The following ALPK1 variants were observed in gnomAD, a reference collection of about 807,000 sequenced individuals.
The protein encoded by ALPK1 is alpha kinase 1.
A neutral mutation model predicts 120.6 loss-of-function variants in ALPK1; 110 were observed. That is an observed-to-expected ratio of 0.91 (90% CI 0.78 to 1.07). The LOEUF is 1.07. ALPK1 is among the 50% of genes least tolerant of loss of function. The pLI is 0.00. For synonymous variants in ALPK1, 582 were observed against 560.3 expected, an observed-to-expected ratio of 1.04 and a Z score of -0.55; for missense variants, 1,498 against 1,483.9, an observed-to-expected ratio of 1.01 and a Z score of -0.16.
chr4:112,345,944 A>G (rs1362911342), intron 2 of ALPK1, among the ~76,000 whole-genome samples: 1 of 152,168 alleles, frequency 6.6e-6, no homozygotes, highest in Non-Finnish European at 1.5e-5. Flanking sequence ...GCTCACTGCA[A>G]CCTTTGTCTC....
rs1560653370 is a variant in ALPK1, at chr4:112,361,358, T to TG, written c.-100-16314dup. 2.0e-5 allele frequency among the ~76,000 whole-genome samples: 3 copies of TG among 152,248 alleles called. No homozygotes were observed. The South Asian group carries it at 6.2e-4, about 32-fold the overall frequency. The stretch of plus-strand genomic sequence containing the variant: ...TGCCTGGAAATAAACCTGGTGCTGT[T>TG]GGGGGGAGGGGCACAGTGGAAGTGA... On this transcript the variant is annotated intron_variant, in intron 2 of 15. Transcript: ENST00000650871.
chr4:112,334,666 C>T (rs1040743632), intron 2 of ALPK1, among the ~76,000 whole-genome samples: 1 of 151,978 alleles, frequency 6.6e-6, no homozygotes, highest in African/African-American at 2.4e-5. Flanking sequence ...GCATGTATAT[C>T]CCAGGGGATA....
At chr4:112,356,274 C>G (rs1730607692) in intron 2 of ALPK1, 1 of 1,183,904 alleles carries the variant, frequency 8.4e-7, no homozygotes. Flanking sequence ...ACAGGCAAGA[C>G]GCTGTGCCTC....
rs991461150 is a variant in ALPK1, at chr4:112,313,348, T to C, written c.-152-2453T>C. ...TAATACAGGAGGAAAACCAAGAGAG[T>C]ATGGTTTCCTGGAACACAGCAGAGG... On this transcript the variant is annotated intron_variant, in intron 1 of 15. Coordinates refer to ENST00000650871, the MANE Select transcript of ALPK1 (RefSeq NM_025144.4). 2.6e-5 allele frequency among the ~76,000 whole-genome samples: 4 copies of C among 151,542 alleles called. No individual in the cohort carries two copies. In the South Asian group the frequency reaches 6.2e-4, roughly 24 times the overall value.
At chr4:112,426,216 GAT>G (rs1734225224) in intron 7 of ALPK1, 1 of 258,036 alleles carries the variant, frequency 3.9e-6, no homozygotes, top group Admixed American at 5.2e-5. Context: ...AAAAAACTGA[GAT>G]AACTACATAT....
intron 2 of ALPK1, among the ~76,000 whole-genome samples, chr4:112,362,173 C>T (rs1730944370): frequency 6.6e-6 from 1 of 152,148 alleles, no homozygotes; most frequent in Non-Finnish European, 1.5e-5. Context: ...TATGACAAAA[C>T]AAGGTTTTTT....
chr4:112,348,101 G>A (rs567575769), intron 2 of ALPK1, among the ~76,000 whole-genome samples: 1 of 152,306 alleles, frequency 6.6e-6, no homozygotes, highest in Admixed American at 6.5e-5. Flanking sequence ...CAGGTGATTG[G>A]CGTTCTGAGC....
At chr4:112,341,491 A>G (rs1443863160) in intron 2 of ALPK1, among the ~76,000 whole-genome samples, 2 of 152,222 alleles carry the variant, frequency 1.3e-5, no homozygotes, top group African/African-American at 4.8e-5. Context: ...TCAGTAGTAT[A>G]TAGATTAGGG....
In ALPK1 at chr4:112,440,906, TTC is replaced by T; in HGVS notation, c.3539-7_3539-6del. On this transcript the variant is annotated splice_polypyrimidine_tract_variant and intron_variant, in intron 14 of 15. Transcript: ENST00000650871. ...GAATTTAATACTCAGGTGTGTTCAT[TTC>T]TCTTTTAGGTTGGGTAACCGGTAAT... The T allele has an allele frequency of 6.2e-7, 1 of 1,603,044 alleles. No individual in the cohort carries two copies. Among genetic ancestry groups the T allele is most frequent in the Non-Finnish European group, 8.5e-7 (1 of 1,175,356 alleles).
intron 4 of ALPK1, among the ~76,000 whole-genome samples, chr4:112,388,031 T>C (rs1732231017): frequency 6.6e-6 from 1 of 152,234 alleles, no homozygotes; most frequent in African/African-American, 2.4e-5. Flanking sequence ...ATGCGGTATT[T>C]GGTTTTCTGT....
chr4:112,380,436 C>T (rs1262808169), intron 3 of ALPK1, among the ~76,000 whole-genome samples: 1 of 152,140 alleles, frequency 6.6e-6, no homozygotes, highest in African/African-American at 2.4e-5. Context: ...AGTGTGATAC[C>T]TGTAAGCCAT....
chr4:112,383,458 C>T (rs1732013740), intron 4 of ALPK1: 1 of 151,968 alleles, frequency 6.6e-6, no homozygotes, highest in South Asian at 2.1e-4. Context: ...CTAAGAAAGA[C>T]CCCCTGATCT....
chr4:112,340,875 A>G (rs1729832811), intron 2 of ALPK1, among the ~76,000 whole-genome samples: 1 of 152,246 alleles, frequency 6.6e-6, no homozygotes, highest in African/African-American at 2.4e-5. Flanking sequence ...CGCATTTGGT[A>G]TTAGGAAAGT....
Position 112,322,065 on chromosome 4 carries a change from A to G in ALPK1, c.-101+6213A>G, listed in dbSNP as rs139272918. ...GTCAAGATGGGGGTTGATGTGAATG[A>G]CGGCAAACATTTGTTGGTGTTGGCA... On this transcript the variant is annotated intron_variant, in intron 2 of 15. Transcript: ENST00000650871. Among the ~76,000 whole-genome samples, 57 of 152,344 alleles carry G rather than the reference A, an allele frequency of 3.7e-4. No homozygotes were observed. In the South Asian group the frequency reaches 4.8e-3, roughly 13 times the overall value.
intron 14 of ALPK1, among the ~76,000 whole-genome samples, chr4:112,440,676 G>A (rs910369470): frequency 6.6e-6 from 1 of 152,126 alleles, no homozygotes; most frequent in Non-Finnish European, 1.5e-5. Flanking sequence ...ATCTGGGGAT[G>A]TCATATTTGA....
rs375367633 is a variant in ALPK1 at position 112,411,828 on chromosome 4, C to A, written c.278C>A (p.Ala93Glu). Residue 93 changes from alanine to glutamate, a missense_variant and splice_region_variant, in exon 5 of 16, where the codon GCG becomes GAG. Ala to Glu is a moderately radical substitution (Grantham distance 107). Transcript: ENST00000650871. ...CGATGTTCCACGCTGTTCCTCCAGGCGTCCCTGAGGGCCTCCATCCTCGCT... is the reference window on the plus strand; with the variant it reads ...CGATGTTCCACGCTGTTCCTCCAGGAGTCCCTGAGGGCCTCCATCCTCGCT... ...VIGAGLQQLLASLRASILARD... is the reference protein window; with the variant it reads ...VIGAGLQQLLESLRASILARD... The A allele has an allele frequency of 2.5e-6, 4 of 1,609,362 alleles. No individual in the cohort carries two copies. The East Asian group carries it at 6.7e-5, about 27-fold the overall frequency.
At chr4:112,331,297 A>T (rs1199018318) in intron 2 of ALPK1, among the ~76,000 whole-genome samples, 1 of 152,004 alleles carries the variant, frequency 6.6e-6, no homozygotes, top group Admixed American at 6.6e-5. Flanking sequence ...GCAGTGGGAG[A>T]CCTTTGGTGG....
chr4:112,429,133 T>G lies in ALPK1; in HGVS notation c.796-16T>G. The G allele has an allele frequency of 6.2e-7, 1 of 1,607,528 alleles. No homozygotes were observed. The highest frequency in any genetic ancestry group is 8.5e-7 in the Non-Finnish European group (1 of 1,174,874). On this transcript the variant is annotated splice_polypyrimidine_tract_variant and intron_variant, in intron 9 of 15. Coordinates refer to ENST00000650871, the MANE Select transcript of ALPK1 (RefSeq NM_025144.4). ...TTAATTATCACCATTCCACTTAGCC[T>G]CCTGTTTTCTCACAGAGCCTGCTGA...
chr4:112,353,363 A>G (rs1730449813), intron 2 of ALPK1, among the ~76,000 whole-genome samples: 1 of 152,154 alleles, frequency 6.6e-6, no homozygotes. Context: ...GTGTCACTAT[A>G]AAGATTCTTA....
Sources: gnomAD v4.1 joint callset for allele counts (sites outside exome capture counted in the v4.1 genomes callset) on GRCh38, gnomAD v4.1.1 for gene constraint, MANE v1.5 for transcripts, NCBI Gene and HGNC (gene_info 2026-07-23, HGNC 2026-07-21) for gene names.